Variants in MDGA2 observed in about 807,000 individuals in gnomAD.
MDGA2 encodes MAM domain containing glycosylphosphatidylinositol anchor 2.
A neutral mutation model predicts 117.8 loss-of-function variants in MDGA2; 40 were observed. That is an observed-to-expected ratio of 0.34 (90% CI 0.26 to 0.44). The LOEUF (loss-of-function observed/expected upper bound fraction) is 0.44. MDGA2 is among the 20% of genes least tolerant of loss of function. MDGA2 has a pLI of 1.00. For synonymous variants in MDGA2, 452 were observed against 439.0 expected (o/e 1.03, Z -0.37); for missense variants, 1,123 against 1,250.6 (o/e 0.90, Z 1.54).
rs149036362 is a variant in MDGA2 at position 47,285,495 on chromosome 14, T to G, written c.420+15916A>C. Reference sequence around the variant, plus strand: ...GTGAATATGTTCCAATGACTTGAGATCCCAATGTTTCACCATTACATCTGT... The same window carrying G: ...GTGAATATGTTCCAATGACTTGAGAGCCCAATGTTTCACCATTACATCTGT... On this transcript the variant is annotated intron_variant, in intron 2 of 16. Transcript: ENST00000399232. Among the ~76,000 whole-genome samples the G allele has an allele frequency of 1.8e-3, 268 of 152,256 alleles. 2 individuals are homozygous for G. The highest frequency in any genetic ancestry group is 6.3e-3 in the African/African-American group (261 of 41,566).
rs113810375 is a variant in MDGA2, at chr14:47,416,684, T to C, written c.281-115134A>G. Reference sequence around the variant, plus strand: ...AATCTAGGTGGAGGTAGGTACACTCTCAGAGCACACGCATGAGCTGCACCA... The same window carrying C: ...AATCTAGGTGGAGGTAGGTACACTCCCAGAGCACACGCATGAGCTGCACCA... On this transcript the variant is annotated intron_variant, in intron 1 of 16. Transcript: ENST00000399232. Among the ~76,000 whole-genome samples, 176 of 152,254 alleles carry C rather than the reference T, an allele frequency of 1.2e-3. 2 individuals are homozygous for C. Among genetic ancestry groups the C allele is most frequent in the African/African-American group, 4.1e-3 (170 of 41,546 alleles).
Position 47,144,090 on chromosome 14 carries a change from T to C in MDGA2, c.780A>G (p.Pro260=), listed in dbSNP as rs1279974292. Residue 260 remains proline, a synonymous_variant, in exon 4 of 17, where the codon CCA becomes CCG. Coordinates refer to ENST00000399232, the MANE Select transcript of MDGA2 (RefSeq NM_001113498.3). The part of the protein sequence containing the change: ...GSDKGVEIYE[P]FFTQGETKIL... ...CCTTAATTCATACCTGGGTAAAGAA[T>C]GGTTCATAAATCTCAACTCCTTTAT... 3.9e-6 allele frequency: 6 copies of C among 1,548,702 alleles called. No homozygotes were observed. The highest frequency in any genetic ancestry group is 5.2e-6 in the Non-Finnish European group (6 of 1,145,404).
chr14:47,335,606 G>C (rs1426713134), intron 1 of MDGA2, among the ~76,000 whole-genome samples: 2 of 151,064 alleles, frequency 1.3e-5, no homozygotes, highest in Non-Finnish European at 3.0e-5. Context: ...AGTAAGGTAG[G>C]AAGTCATCTG....
At chr14:47,608,305 A>T (rs1292686488) in intron 1 of MDGA2, among the ~76,000 whole-genome samples, 1 of 152,128 alleles carries the variant, frequency 6.6e-6, no homozygotes, top group Non-Finnish European at 1.5e-5. Context: ...GAAACAAATA[A>T]TCCTAATTAT....
intron 1 of MDGA2, among the ~76,000 whole-genome samples, chr14:47,505,611 A>G (rs1894494459): frequency 6.6e-6 from 1 of 152,200 alleles, no homozygotes. Flanking sequence ...AGTAAAAAAT[A>G]CACTATTTTT....
chr14:47,108,661 G>A (rs914338555), intron 5 of MDGA2, among the ~76,000 whole-genome samples: 3 of 151,494 alleles, frequency 2.0e-5, no homozygotes, highest in Non-Finnish European at 4.4e-5. Flanking sequence ...ATCTCCCTTC[G>A]CTGACTCTCT....
At chr14:46,977,006 G>T (rs1595082286) in intron 8 of MDGA2, among the ~76,000 whole-genome samples, 1 of 151,936 alleles carries the variant, frequency 6.6e-6, no homozygotes, top group African/African-American at 2.4e-5. Context: ...AGTCAAAAAA[G>T]ATTGTTTATC....
chr14:47,528,711 G>A (rs1895026140), intron 1 of MDGA2, among the ~76,000 whole-genome samples: 1 of 151,790 alleles, frequency 6.6e-6, no homozygotes, highest in Non-Finnish European at 1.5e-5. Flanking sequence ...TTTGCTTTGG[G>A]GTGCATTAGT....
At chr14:47,544,643 T>C (rs1354965893) in intron 1 of MDGA2, among the ~76,000 whole-genome samples, 3 of 152,188 alleles carry the variant, frequency 2.0e-5, no homozygotes, top group Admixed American at 6.5e-5. Context: ...AGGAGTACAC[T>C]GAATACCAGG....
At chr14:47,271,188 C>G (rs187460537) in intron 2 of MDGA2, among the ~76,000 whole-genome samples, 5 of 152,308 alleles carry the variant, frequency 3.3e-5, no homozygotes, top group Admixed American at 1.3e-4. Context: ...CTCTACCTGC[C>G]TTTGCATTAG....
At chr14:46,971,806 AC>A (rs1260541552) in intron 8 of MDGA2, among the ~76,000 whole-genome samples, 1 of 152,130 alleles carries the variant, frequency 6.6e-6, no homozygotes, top group Non-Finnish European at 1.5e-5. Context: ...TAGCCCAGAT[AC>A]CCTGACTTGA....
intron 2 of MDGA2, among the ~76,000 whole-genome samples, chr14:47,273,175 GAGGT>G (rs1175907157): frequency 6.6e-6 from 1 of 152,150 alleles, no homozygotes; most frequent in Admixed American, 6.6e-5. Flanking sequence ...GCAAATCACT[GAGGT>G]AAGGGACTTT....
chr14:47,413,957 A>G (rs2138491774), intron 1 of MDGA2, among the ~76,000 whole-genome samples: 1 of 152,234 alleles, frequency 6.6e-6, no homozygotes, highest in Admixed American at 6.5e-5. Context: ...AGGCTCTTTT[A>G]AGTTCCAAGG....
intron 8 of MDGA2, among the ~76,000 whole-genome samples, chr14:47,016,443 C>A (rs1015237153): frequency 6.6e-6 from 1 of 152,010 alleles, no homozygotes; most frequent in Non-Finnish European, 1.5e-5. Flanking sequence ...TTATCATTCA[C>A]AATTTGTTCT....
intron 5 of MDGA2, among the ~76,000 whole-genome samples, chr14:47,106,097 T>A (rs1434453849): frequency 6.6e-6 from 1 of 152,170 alleles, no homozygotes; most frequent in Non-Finnish European, 1.5e-5. Context: ...TAGGCTTTTT[T>A]TCATCAAATA....
chr14:47,055,002 C>CTTTT lies in MDGA2; in HGVS notation c.1525+6243_1525+6246dup, dbSNP rs10640408. On this transcript the variant is annotated intron_variant, in intron 7 of 16. Transcript: ENST00000399232. The stretch of plus-strand genomic sequence containing the variant: ...CCGTTGTCCAATTTTTTTTTCTTTT[C>CTTTT]TTTTTTTTTTTTTTTTTCCAACAGA... 1.4e-4 allele frequency among the ~76,000 whole-genome samples: 17 copies of CTTTT among 125,664 alleles called. No homozygotes were observed. In the East Asian group the frequency reaches 2.1e-3, roughly 15 times the overall value. 82.4% of individuals were successfully genotyped at this position (125,664 alleles called of 152,430 possible).
chr14:47,645,892 G>A (rs1324248929), intron 1 of MDGA2, among the ~76,000 whole-genome samples: 1 of 151,624 alleles, frequency 6.6e-6, no homozygotes, highest in African/African-American at 2.4e-5. Context: ...CTAACACGAT[G>A]AAACCCAGTC....
intron 1 of MDGA2, among the ~76,000 whole-genome samples, chr14:47,381,231 A>T (rs150323834): frequency 2.0e-5 from 3 of 152,208 alleles, no homozygotes; most frequent in African/African-American, 7.2e-5. Flanking sequence ...AGAGCTATCT[A>T]TGACAAACCT....
chr14:47,101,075 CGATAGATAGATAGATA>C lies in MDGA2; in HGVS notation c.926-3968_926-3953del, dbSNP rs57541385. Reference sequence around the variant, plus strand: ...TGGGGATACTTGATGAATGGAGGGACGATAGATAGATAGATAGATAGATAGATAGATAGATAGATAG... The same window carrying C: ...TGGGGATACTTGATGAATGGAGGGACGATAGATAGATAGATAGATAGATAG... On this transcript the variant is annotated intron_variant, in intron 5 of 16. Transcript: ENST00000399232. 5.9e-3 allele frequency among the ~76,000 whole-genome samples: 825 copies of C among 140,214 alleles called. 5 individuals carry two copies. Among genetic ancestry groups the C allele is most frequent in the Non-Finnish European group, 8.9e-3 (578 of 64,856 alleles). The allele number at this position is 140,214 out of a possible 152,430, so 92.0% of individuals were successfully genotyped here.
Sources: allele counts gnomAD v4.1 joint callset (sites outside exome capture counted in the v4.1 genomes callset), GRCh38; gene constraint gnomAD v4.1.1; transcripts MANE v1.5; gene names NCBI Gene and HGNC (gene_info 2026-07-23, HGNC 2026-07-21).